Variants in TMEM131 observed in about 807,000 individuals in gnomAD.
TMEM131 encodes 2610524E03Rik.
TMEM131 carries 66 observed loss-of-function variants against 211.6 expected under a neutral mutation model. The observed-to-expected ratio is 0.31, with a 90% CI of 0.26 to 0.38. The LOEUF (loss-of-function observed/expected upper bound fraction) is 0.38, where lower values mean the gene tolerates loss of function less well. TMEM131 is among the 10% of genes least tolerant of loss of function. The pLI, the probability that TMEM131 is intolerant of heterozygous loss-of-function variation, is 1.00. For synonymous variants in TMEM131, 844 were observed against 841.3 expected, an observed-to-expected ratio of 1.00 and a Z score of -0.06; for missense variants, 2,036 against 2,299.3, an observed-to-expected ratio of 0.89 and a Z score of 2.34.
At chr2:97,928,931 A>ATTT (rs1677103062) in intron 1 of TMEM131, among the ~76,000 whole-genome samples, 2 of 151,874 alleles carry the variant, frequency 1.3e-5, no homozygotes, top group Non-Finnish European at 2.9e-5. Context: ...ATATAAGAAT[A>ATTT]TTTATAGATG....
chr2:97,802,282 C>T, intron 24 of TMEM131, 146 bp downstream of exon 24: 1 of 695,714 alleles, frequency 1.4e-6, no homozygotes, highest in Non-Finnish European at 2.3e-6. Flanking sequence ...CCTAAACCTC[C>T]CTAAAACCTT....
At position 97,834,269 on chromosome 2, in the gene TMEM131, C is replaced by CATATCTAAACA. The variant is rs1682840746; in HGVS notation, c.1012+341_1012+351dup. Among the ~76,000 whole-genome samples, 3 of 152,274 alleles carry CATATCTAAACA rather than the reference C, an allele frequency of 2.0e-5. 1 individual carries two copies. In the South Asian group the frequency reaches 6.2e-4, roughly 32 times the overall value. ...TTTGTCAAAATGTAATTTAATAACTCATATCTAAACAAAATCCAGAAGTAA... is the reference window on the plus strand; with the variant it reads ...TTTGTCAAAATGTAATTTAATAACTCATATCTAAACAATATCTAAACAAAATCCAGAAGTAA... On this transcript the variant is annotated intron_variant, in intron 10 of 40. Transcript: ENST00000186436.
intron 29 of TMEM131, among the ~76,000 whole-genome samples, chr2:97,793,762 A>G (rs961814891): frequency 1.9e-4 from 29 of 151,708 alleles, no homozygotes; most frequent in African/African-American, 6.3e-4. Context: ...TGGGAGGCCG[A>G]GGCGGGTGGA....
intron 1 of TMEM131, among the ~76,000 whole-genome samples, chr2:97,929,534 A>C (rs1677132180): frequency 6.6e-6 from 1 of 151,778 alleles, no homozygotes. Context: ...ACAGTCAAGC[A>C]GCAGAATAAG....
At chr2:97,949,901 G>C (rs1678223352) in intron 1 of TMEM131, among the ~76,000 whole-genome samples, 1 of 149,326 alleles carries the variant, frequency 6.7e-6, no homozygotes, top group Non-Finnish European at 1.5e-5. Flanking sequence ...TTATACAATA[G>C]CTTCTGAAGG....
intron 4 of TMEM131, among the ~76,000 whole-genome samples, chr2:97,874,342 G>T (rs1315780540): frequency 6.6e-6 from 1 of 152,110 alleles, no homozygotes; most frequent in Non-Finnish European, 1.5e-5. Context: ...TAGCAAGACA[G>T]GCCAACATTC....
At chr2:97,863,788 A>C (rs1229896665) in intron 4 of TMEM131, among the ~76,000 whole-genome samples, 2 of 152,258 alleles carry the variant, frequency 1.3e-5, no homozygotes, top group African/African-American at 2.4e-5. Context: ...GGAATGTATT[A>C]GTACAAACAC....
intron 4 of TMEM131, among the ~76,000 whole-genome samples, chr2:97,870,392 C>T (rs1674442612): frequency 6.6e-6 from 1 of 152,068 alleles, no homozygotes; most frequent in Non-Finnish European, 1.5e-5. Context: ...TTCCAAATGC[C>T]TGCCAGTGCT....
chr2:97,773,207 C>A (rs1362723868), intron 32 of TMEM131, among the ~76,000 whole-genome samples: 1 of 152,242 alleles, frequency 6.6e-6, no homozygotes, highest in Non-Finnish European at 1.5e-5. Flanking sequence ...AGGGTTCCGG[C>A]TGGTTTAATG....
At chr2:97,988,624 A>G (rs541483643) in intron 1 of TMEM131, among the ~76,000 whole-genome samples, 1 of 152,232 alleles carries the variant, frequency 6.6e-6, no homozygotes, top group Non-Finnish European at 1.5e-5. Context: ...GTGAATAGAC[A>G]TTTCTCCAAA....
At chr2:97,786,231 T>C (rs1680244584) in intron 31 of TMEM131, among the ~76,000 whole-genome samples, 1 of 152,016 alleles carries the variant, frequency 6.6e-6, no homozygotes, top group Non-Finnish European at 1.5e-5. Flanking sequence ...TCTACAAGCA[T>C]CTCAAAATAA....
At chr2:97,786,383 A>G (rs1429467142) in intron 31 of TMEM131, among the ~76,000 whole-genome samples, 1 of 152,104 alleles carries the variant, frequency 6.6e-6, no homozygotes, top group Non-Finnish European at 1.5e-5. Flanking sequence ...AATAAAAATA[A>G]AAAAATTAGG....
intron 4 of TMEM131, chr2:97,887,828 C>T: frequency 2.3e-6 from 1 of 426,752 alleles, no homozygotes; most frequent in South Asian, 6.4e-5. Context: ...GAGACTACAA[C>T]AAGCGAGTAT....
At chr2:97,805,337 G>C in intron 21 of TMEM131, 39 bp downstream of exon 21, 1 of 1,599,750 alleles carries the variant, frequency 6.3e-7, no homozygotes, top group African/African-American at 1.3e-5. Flanking sequence ...GTATTTTGGG[G>C]GAAGTGAAGA....
chr2:97,962,094 T>C (rs1678843316), intron 1 of TMEM131, among the ~76,000 whole-genome samples: 1 of 152,218 alleles, frequency 6.6e-6, no homozygotes, highest in South Asian at 2.1e-4. Flanking sequence ...TGTGATCTTG[T>C]GGTAGGCAAA....
chr2:97,831,270 A>G (rs1334794847), intron 11 of TMEM131, among the ~76,000 whole-genome samples: 1 of 152,206 alleles, frequency 6.6e-6, no homozygotes, highest in Non-Finnish European at 1.5e-5. Flanking sequence ...ATAATTTCCC[A>G]TTACACTTAG....
In TMEM131 at chr2:97,795,290, A is replaced by G. The variant is rs551036020; in HGVS notation, c.3201-175T>C. On this transcript the variant is annotated intron_variant, in intron 28 of 40. Coordinates refer to ENST00000186436, the MANE Select transcript of TMEM131 (RefSeq NM_015348.2). Reference sequence around the variant, plus strand: ...TATTGTCCCATGGTCAGTAATAGGAACAACTGTATTCTGTGAATAATTAGA... The same window carrying G: ...TATTGTCCCATGGTCAGTAATAGGAGCAACTGTATTCTGTGAATAATTAGA... 2.0e-5 allele frequency among the ~76,000 whole-genome samples: 3 copies of G among 152,356 alleles called. No homozygotes were observed. The East Asian group carries it at 5.8e-4, about 29-fold the overall frequency.
intron 1 of TMEM131, among the ~76,000 whole-genome samples, chr2:97,993,825 G>C (rs55861914): frequency 1.3e-5 from 2 of 152,238 alleles, no homozygotes; most frequent in South Asian, 4.1e-4. Flanking sequence ...CAAACAAAAG[G>C]TTTGTTTACT....
In TMEM131 at chr2:97,959,542, A is replaced by T. The variant is rs565106487; in HGVS notation, c.188-32055T>A. 9.4e-4 allele frequency among the ~76,000 whole-genome samples: 140 copies of T among 148,990 alleles called. 2 individuals are homozygous for T. The highest frequency in any genetic ancestry group is 5.9e-3 in the Admixed American group (88 of 14,940). ...CTCTCTCTCATATATATGAGAAAAA[A>T]ATATATATATGTCTGCGTGTGTGTG... On this transcript the variant is annotated intron_variant, in intron 1 of 40. Transcript: ENST00000186436.
Sources: gnomAD v4.1 joint callset for allele counts (sites outside exome capture counted in the v4.1 genomes callset) on GRCh38, gnomAD v4.1.1 for gene constraint, MANE v1.5 for transcripts, NCBI Gene and HGNC (gene_info 2026-07-23, HGNC 2026-07-21) for gene names.